Variants in SYMPK observed in about 807,000 individuals in gnomAD.
The protein encoded by SYMPK is symplekin scaffold protein.
Under a neutral mutation model 136.4 loss-of-function variants are expected in SYMPK, and 49 were observed. The ratio of observed to expected loss-of-function variants is 0.36; its 90% CI spans 0.29 to 0.46. The LOEUF (loss-of-function observed/expected upper bound fraction) is 0.46. Among genes scored for constraint, SYMPK ranks in the 20% least tolerant of loss-of-function variants. SYMPK has a pLI of 1.00. For missense variants in SYMPK, 1,365 were observed against 1,690.0 expected (o/e 0.81, Z 3.37); for synonymous variants, 766 against 713.0 (o/e 1.07, Z -1.19).
chr19:45,840,312 C>CAA (rs546768442), intron 9 of SYMPK, among the ~76,000 whole-genome samples: 129 of 56,794 alleles, frequency 2.3e-3, no homozygotes, highest in Middle Eastern at 0.014. Flanking sequence ...GAGACTGTCT[C>CAA]AAAAAAAAAA....
rs374207940 is a variant in SYMPK at position 45,816,590 on chromosome 19, C to G, written c.3259-13G>C. The G allele has an allele frequency of 1.0e-4, 161 of 1,613,278 alleles. No individual in the cohort carries two copies. In the African/African-American group the frequency reaches 1.7e-3, roughly 17 times the overall value. Reference sequence around the variant, plus strand: ...GGATGTGAGCTTGCTGGGTGGAGAGCAGGAAGGGGGCGCTGGGGGCAGCTC... The same window carrying G: ...GGATGTGAGCTTGCTGGGTGGAGAGGAGGAAGGGGGCGCTGGGGGCAGCTC... On this transcript the variant is annotated splice_polypyrimidine_tract_variant and intron_variant, in intron 24 of 26. Coordinates refer to ENST00000245934, the MANE Select transcript of SYMPK (RefSeq NM_004819.3).
rs1193187664 is a variant in SYMPK, at chr19:45,816,913, T to C, written c.3143A>G (p.Gln1048Arg). ...FIKCCQRTKP[Q>R]SFQVILQLPP... ...CAGCTGCAGGATGACCTGGAAGCTC[T>C]GGGGCTTTGTGCGCTGGCAGCACTT... Residue 1048 changes from glutamine (Q) to arginine (R), a missense_variant, in exon 24 of 27, where the codon CAG becomes CGG. Around this residue, in one of 11 missense-constraint regions of SYMPK, gnomAD observed 156 missense variants for 217.8 expected, o/e 0.72. Transcript: ENST00000245934. 1 of 1,556,790 alleles carries C rather than the reference T, an allele frequency of 6.4e-7. No homozygotes were observed. The highest frequency in any genetic ancestry group is 1.4e-5 in the African/African-American group (1 of 73,390).
chr19:45,849,206 T>C (rs1274339313), intron 5 of SYMPK, among the ~76,000 whole-genome samples: 5 of 152,222 alleles, frequency 3.3e-5, no homozygotes, highest in Non-Finnish European at 5.9e-5. Context: ...ATGCAATTTT[T>C]TGGGAAAATT....
chr19:45,826,102 G>T, intron 17 of SYMPK, 124 bp downstream of exon 17: 1 of 1,420,636 alleles, frequency 7.0e-7, no homozygotes, highest in Non-Finnish European at 9.5e-7. Context: ...CCAGGTGGCT[G>T]TCCCAGTCCT....
Position 45,825,345 on chromosome 19 carries a change from A to C in SYMPK, c.2330-14T>G. The C allele has an allele frequency of 6.2e-7, 1 of 1,611,528 alleles. No homozygotes were observed. ...GTGCTGCCACCTCTGACAGGGCAGGAGCGGGCATCAGATTGGCCCACACTC... is the reference window on the plus strand; with the variant it reads ...GTGCTGCCACCTCTGACAGGGCAGGCGCGGGCATCAGATTGGCCCACACTC... On this transcript the variant is annotated splice_polypyrimidine_tract_variant and intron_variant, in intron 17 of 26. Coordinates refer to ENST00000245934, the MANE Select transcript of SYMPK (RefSeq NM_004819.3).
In SYMPK at chr19:45,816,491, G is replaced by C; in HGVS notation, c.3345C>G (p.Pro1115=). ...GCTGCAGGGCCCTCACCTCCTCCAAGGGCCCCGCAGGCGCCTCCTTGGCCT... is the reference window on the plus strand; with the variant it reads ...GCTGCAGGGCCCTCACCTCCTCCAACGGCCCCGCAGGCGCCTCCTTGGCCT... The part of the protein sequence containing the change: ...EPEAKEAPAG[P]LEEDDLEPLT... Residue 1115 remains proline (P), a synonymous_variant, in exon 25 of 27, where the codon CCC becomes CCG. Transcript: ENST00000245934. The C allele has an allele frequency of 6.2e-7, 1 of 1,612,322 alleles. No homozygotes were observed. Among genetic ancestry groups the C allele is most frequent in the East Asian group, 2.2e-5 (1 of 44,850 alleles).
chr19:45,854,578 C>A lies in SYMPK; in HGVS notation c.-12-71G>T, dbSNP rs1971777241. Reference sequence around the variant, plus strand: ...CGGATGGGCTGGGCTGGATTGTCACCCGAACACCTACAAAGGGCCCAAGCC... The same window carrying A: ...CGGATGGGCTGGGCTGGATTGTCACACGAACACCTACAAAGGGCCCAAGCC... On this transcript the variant is annotated intron_variant, in intron 1 of 26. Transcript: ENST00000245934. 3.9e-6 allele frequency: 5 copies of A among 1,288,432 alleles called. No homozygotes were observed. The South Asian group carries it at 5.0e-5, about 13-fold the overall frequency. The allele number at this position is 1,288,432 out of a possible 1,614,324, so 79.8% of individuals were successfully genotyped here. A position where few individuals can be genotyped will look rare whatever the true frequency, so the allele number is the denominator to read the frequency against.
At chr19:45,844,273 C>G in intron 7 of SYMPK, 73 bp from the exon 8 acceptor site, 1 of 1,304,498 alleles carries the variant, frequency 7.7e-7, no homozygotes, top group Non-Finnish European at 1.0e-6. Context: ...GCTTTTGGGA[C>G]TAAAAGGAAG....
chr19:45,830,983 A>G (rs1703858031), intron 12 of SYMPK: 1 of 156,224 alleles, frequency 6.4e-6, no homozygotes, highest in South Asian at 2.0e-4. Context: ...AATGGGGACA[A>G]TGATGATGAC....
rs1568605128 is a variant in SYMPK at position 45,816,493 on chromosome 19, G to GC, written c.3342dup (p.Pro1115AlafsTer6). On this transcript the variant is annotated frameshift_variant, in exon 25 of 27. Transcript: ENST00000245934. LOFTEE classifies it high-confidence loss of function. ...TGCAGGGCCCTCACCTCCTCCAAGGGCCCCGCAGGCGCCTCCTTGGCCTCT... is the reference window on the plus strand; with the variant it reads ...TGCAGGGCCCTCACCTCCTCCAAGGGCCCCCGCAGGCGCCTCCTTGGCCTCT... The GC allele has an allele frequency of 1.2e-6, 2 of 1,612,508 alleles. No individual in the cohort carries two copies.
At chr19:45,820,789 C>T in intron 22 of SYMPK, 1 of 267,830 alleles carries the variant, frequency 3.7e-6, no homozygotes, top group Admixed American at 5.0e-5. Flanking sequence ...GTCACCTAAC[C>T]TCTCTGGAGC....
intron 21 of SYMPK, among the ~76,000 whole-genome samples, chr19:45,822,165 C>T (rs1382536554): frequency 6.8e-5 from 9 of 132,384 alleles, no homozygotes; most frequent in Non-Finnish European, 1.4e-4. Flanking sequence ...GTCATCCAGG[C>T]TGGAGTGCAC....
At chr19:45,837,876 C>T (rs1023795567) in intron 10 of SYMPK, among the ~76,000 whole-genome samples, 2 of 151,862 alleles carry the variant, frequency 1.3e-5, no homozygotes, top group Non-Finnish European at 1.5e-5. Flanking sequence ...TGGAGAGGAG[C>T]GTGGGGAGAA....
At chr19:45,843,359 C>G (rs556118754) in intron 8 of SYMPK, among the ~76,000 whole-genome samples, 1 of 152,134 alleles carries the variant, frequency 6.6e-6, no homozygotes. Flanking sequence ...CCAGACTTCT[C>G]GGTTTTCGTT....
At chr19:45,825,016 C>T (rs758216648) in intron 18 of SYMPK, among the ~76,000 whole-genome samples, 155 bp downstream of exon 18, 15 of 152,182 alleles carry the variant, frequency 9.9e-5, no homozygotes, top group Non-Finnish European at 1.3e-4. Context: ...GAGTGACATG[C>T]GGACCGCCTG....
intron 6 of SYMPK, 138 bp downstream of exon 6, chr19:45,848,612 T>C (rs1971622263): frequency 8.4e-7 from 1 of 1,191,702 alleles, no homozygotes; most frequent in East Asian, 2.4e-5. Context: ...TAGCTCTCCA[T>C]GTTATCTGTT....
chr19:45,852,392 A>C lies in SYMPK; in HGVS notation c.226-7T>G. ...CTTGGAATGCGATGATCTCCTGCCA[A>C]TGTTAGAGAGAAAGTGGATCAGGGC... On this transcript the variant is annotated splice_region_variant and splice_polypyrimidine_tract_variant and intron_variant, in intron 4 of 26. Transcript: ENST00000245934. 6.2e-7 allele frequency: 1 copy of C among 1,614,170 alleles called. No homozygotes were observed. Among genetic ancestry groups the C allele is most frequent in the Non-Finnish European group, 8.5e-7 (1 of 1,180,024 alleles).
At chr19:45,817,429 T>C (rs1373380050) in intron 23 of SYMPK, among the ~76,000 whole-genome samples, 1 of 60,872 alleles carries the variant, frequency 1.6e-5, no homozygotes, top group Non-Finnish European at 3.3e-5. Context: ...TTTTTTTTTT[T>C]TTTTTTTTTT....
Position 45,827,627 on chromosome 19 carries a change from C to T in SYMPK, c.2068-4G>A. On this transcript the variant is annotated splice_region_variant and splice_polypyrimidine_tract_variant and intron_variant, in intron 15 of 26. Transcript: ENST00000245934. ...ACATGCCCAGATAGGTGCGACTCTG[C>T]AGCAAAAGGAAAGGGACCCGAGCTC... The T allele has an allele frequency of 6.2e-7, 1 of 1,613,298 alleles. No homozygotes were observed. The highest frequency in any genetic ancestry group is 8.5e-7 in the Non-Finnish European group (1 of 1,179,258).
Sources: gnomAD v4.1 joint callset for allele counts (sites outside exome capture counted in the v4.1 genomes callset) on GRCh38, gnomAD v4.1.1 for gene constraint, gnomAD v4.1.1 regional missense constraint, MANE v1.5 for transcripts, NCBI Gene and HGNC (gene_info 2026-07-23, HGNC 2026-07-21) for gene names.